The following NEGR1 variants were observed in gnomAD, a reference collection of about 807,000 sequenced individuals.
The protein encoded by NEGR1 is neuronal growth regulator 1.
In NEGR1, 10 loss-of-function variants were observed where a neutral mutation model predicts 40.9. The ratio of observed to expected loss-of-function variants is 0.24; its 90% CI spans 0.15 to 0.42. NEGR1 has a LOEUF of 0.42. Among genes scored for constraint, NEGR1 ranks in the 10% least tolerant of loss-of-function variants. NEGR1 has a pLI of 1.00. For missense variants in NEGR1, 352 were observed against 438.9 expected (o/e 0.80, Z 1.77); for synonymous variants, 185 against 166.8 (o/e 1.11, Z -0.84).
chr1:71,804,973 GAGA>G (rs1429376252), intron 2 of NEGR1, among the ~76,000 whole-genome samples: 1 of 152,172 alleles, frequency 6.6e-6, no homozygotes, highest in Non-Finnish European at 1.5e-5. Context: ...GAACATCCCT[GAGA>G]AGGAGAATGC....
intron 1 of NEGR1, among the ~76,000 whole-genome samples, chr1:72,130,248 C>T (rs554177637): frequency 6.6e-6 from 1 of 152,276 alleles, no homozygotes; most frequent in South Asian, 2.1e-4. Flanking sequence ...TTGAACCCAA[C>T]CCAGGGCCTT....
At chr1:71,900,790 A>C (rs1053791586) in intron 2 of NEGR1, among the ~76,000 whole-genome samples, 1 of 152,168 alleles carries the variant, frequency 6.6e-6, no homozygotes, top group Non-Finnish European at 1.5e-5. Flanking sequence ...TGGAAAATGT[A>C]GATTTGTTTA....
At chr1:71,798,467 G>A (rs762786373) in intron 2 of NEGR1, among the ~76,000 whole-genome samples, 1 of 152,052 alleles carries the variant, frequency 6.6e-6, no homozygotes, top group Non-Finnish European at 1.5e-5. Flanking sequence ...AAAAGAACAG[G>A]ATAAATAATA....
chr1:71,902,620 C>T (rs538683755), intron 2 of NEGR1, among the ~76,000 whole-genome samples: 227 of 152,220 alleles, frequency 1.5e-3, no homozygotes, highest in African/African-American at 5.3e-3. Flanking sequence ...GAATTAAACA[C>T]CTTTTAACCC....
intron 6 of NEGR1, among the ~76,000 whole-genome samples, chr1:71,504,044 G>A (rs1051324733): frequency 2.7e-5 from 4 of 148,960 alleles, no homozygotes; most frequent in South Asian, 2.2e-4. Context: ...AGAGGCATTC[G>A]AGATTCAACA....
At chr1:72,187,478 A>G (rs918620242) in intron 1 of NEGR1, among the ~76,000 whole-genome samples, 14 of 151,478 alleles carry the variant, frequency 9.2e-5, no homozygotes. Flanking sequence ...TACTCATAAC[A>G]GATCACTGAA....
At chr1:72,135,990 T>C (rs1168476975) in intron 1 of NEGR1, among the ~76,000 whole-genome samples, 1 of 152,142 alleles carries the variant, frequency 6.6e-6, no homozygotes, top group Non-Finnish European at 1.5e-5. Flanking sequence ...CTTTAAAAGA[T>C]GGTAAATGAT....
chr1:71,796,940 C>T (rs1005726606), intron 2 of NEGR1, among the ~76,000 whole-genome samples: 4 of 152,000 alleles, frequency 2.6e-5, no homozygotes, highest in Non-Finnish European at 2.9e-5. Context: ...AGGGGCTTAA[C>T]GGTAGGGACT....
intron 3 of NEGR1, among the ~76,000 whole-genome samples, chr1:71,731,657 A>G (rs1259610477): frequency 6.6e-6 from 1 of 152,210 alleles, no homozygotes; most frequent in Non-Finnish European, 1.5e-5. Context: ...TCATCAGTAG[A>G]GCAGGCAAAA....
chr1:71,779,675 C>A (rs1445226950), intron 2 of NEGR1, among the ~76,000 whole-genome samples: 2 of 152,080 alleles, frequency 1.3e-5, no homozygotes, highest in East Asian at 1.9e-4. Context: ...TGAAGTGATT[C>A]TCCTGCCTCA....
intron 4 of NEGR1, among the ~76,000 whole-genome samples, chr1:71,650,571 A>G (rs1319527275): frequency 6.6e-6 from 1 of 152,198 alleles, no homozygotes; most frequent in Non-Finnish European, 1.5e-5. Flanking sequence ...TGTTCTCAAG[A>G]AAAGGCTGTG....
rs145273786 is a variant in NEGR1 at position 71,450,093 on chromosome 1, C to T, written c.941-42523G>A. On this transcript the variant is annotated intron_variant, in intron 6 of 6. Transcript: ENST00000357731. ...GCAACCTCCACCTCCTGGGTTCAAG[C>T]GATTATCCTGCCTCAGCCACCTGAG... is the stretch of plus-strand genomic sequence containing the variant. Among the ~76,000 whole-genome samples the T allele has an allele frequency of 1.5e-3, 230 of 151,494 alleles. 4 individuals carry two copies. The East Asian group carries it at 0.029, about 19-fold the overall frequency.
intron 6 of NEGR1, among the ~76,000 whole-genome samples, chr1:71,524,315 A>T (rs1260447437): frequency 2.1e-5 from 3 of 140,566 alleles, no homozygotes; most frequent in Admixed American, 7.2e-5. Context: ...TTTAAATAGG[A>T]GTGTGTGTGT....
chr1:72,155,458 T>A (rs1557553861), intron 1 of NEGR1, among the ~76,000 whole-genome samples: 3 of 151,996 alleles, frequency 2.0e-5, no homozygotes, highest in Non-Finnish European at 2.9e-5. Context: ...AAGGATGATA[T>A]CTCTTTATAC....
chr1:72,048,122 A>G (rs1286668096), intron 1 of NEGR1, among the ~76,000 whole-genome samples: 1 of 151,644 alleles, frequency 6.6e-6, no homozygotes, highest in Non-Finnish European at 1.5e-5. Context: ...CTAATTGTGC[A>G]AAATCTAGCC....
chr1:72,073,712 T>G (rs1569917515), intron 1 of NEGR1, among the ~76,000 whole-genome samples: 1 of 152,128 alleles, frequency 6.6e-6, no homozygotes, highest in Admixed American at 6.5e-5. Flanking sequence ...TAAAAATAGA[T>G]AGATGGACTC....
chr1:71,947,089 T>TACAC (rs3078155), intron 1 of NEGR1, among the ~76,000 whole-genome samples: 11,511 of 128,824 alleles, frequency 0.089, 600 homozygotes, highest in Non-Finnish European at 0.13. Flanking sequence ...TCCTGTCTCA[T>TACAC]ACACACACAC....
chr1:71,866,901 G>T (rs1335047080), intron 2 of NEGR1, among the ~76,000 whole-genome samples: 2 of 152,140 alleles, frequency 1.3e-5, no homozygotes, highest in African/African-American at 4.8e-5. Flanking sequence ...TCTCCAAACT[G>T]CAGTTTTTAT....
chr1:72,105,458 T>C (rs1405642881), intron 1 of NEGR1, among the ~76,000 whole-genome samples: 1 of 151,978 alleles, frequency 6.6e-6, no homozygotes. Flanking sequence ...TCCTGCACTT[T>C]GGTGGGGGGC....
Sources: allele counts gnomAD v4.1 joint callset (sites outside exome capture counted in the v4.1 genomes callset), GRCh38; gene constraint gnomAD v4.1.1; transcripts MANE v1.5; gene names NCBI Gene and HGNC (gene_info 2026-07-23, HGNC 2026-07-21).